Variants in STXBP5L observed in about 807,000 individuals in gnomAD.
STXBP5L encodes syntaxin binding protein 5L.
STXBP5L carries 65 observed loss-of-function variants against 144.5 expected under a neutral mutation model. That is an observed-to-expected ratio of 0.45 (90% CI 0.37 to 0.55). The LOEUF (loss-of-function observed/expected upper bound fraction) is 0.55. Ranked by LOEUF, STXBP5L falls within the 20% of genes least tolerant of loss-of-function variation. The probability of loss-of-function intolerance (pLI) is 0.00; values close to 1 mark genes in which losing one functional copy is unlikely to be tolerated. For missense variants in STXBP5L, 1,298 were observed against 1,405.5 expected (o/e 0.92, Z 1.22); for synonymous variants, 505 against 469.6 (o/e 1.08, Z -0.97).
At chr3:121,188,237 T>A (rs1324338915) in intron 9 of STXBP5L, among the ~76,000 whole-genome samples, 2 of 152,222 alleles carry the variant, frequency 1.3e-5, no homozygotes, top group African/African-American at 2.4e-5. Flanking sequence ...ATATACATTC[T>A]TCTCAGCACC....
intron 2 of STXBP5L, among the ~76,000 whole-genome samples, chr3:120,923,031 A>G (rs1709432331): frequency 6.6e-6 from 1 of 151,750 alleles, no homozygotes; most frequent in Non-Finnish European, 1.5e-5. Flanking sequence ...ATTCCTCATT[A>G]TTGGTTTGTT....
Position 121,407,280 on chromosome 3 carries a change from C to T in STXBP5L, c.2625C>T (p.Phe875=). ...FLSLKGAVLT[F]SCMDRMGGLM... ...CATTGAAAGGAGCTGTGCTAACATT[C>T]TCCTGTATGGACCGAATGGGTGGAT... The change falls in exon 23 of 27, where the codon TTC becomes TTT. Residue 875 remains phenylalanine (F), a synonymous_variant. Transcript: ENST00000471454. 1 of 1,603,916 alleles carries T rather than the reference C, an allele frequency of 6.2e-7. No homozygotes were observed. Among genetic ancestry groups the T allele is most frequent in the Non-Finnish European group, 8.5e-7 (1 of 1,175,426 alleles).
At chr3:121,006,251 A>G (rs1004153550) in intron 3 of STXBP5L, among the ~76,000 whole-genome samples, 3 of 152,118 alleles carry the variant, frequency 2.0e-5, no homozygotes, top group Non-Finnish European at 4.4e-5. Context: ...TTGGGTGCAT[A>G]TATATTTAGG....
chr3:120,914,192 C>T (rs1185743463), intron 2 of STXBP5L, among the ~76,000 whole-genome samples: 1 of 151,918 alleles, frequency 6.6e-6, no homozygotes, highest in Admixed American at 6.6e-5. Context: ...GACAAACACA[C>T]AGGGTGTTCT....
rs1486393859 is a variant in STXBP5L, at chr3:120,971,588, C to T, written c.287+16551C>T. 3.3e-5 allele frequency among the ~76,000 whole-genome samples: 5 copies of T among 151,706 alleles called. No homozygotes were observed. In the East Asian group the frequency reaches 7.7e-4, roughly 23 times the overall value. ...TCCATCCATATTGCTGCAAAATACA[C>T]GACTTTATTCTTTTTATGGCTGAGT... is the stretch of plus-strand genomic sequence containing the variant. On this transcript the variant is annotated intron_variant, in intron 3 of 26. Transcript: ENST00000471454.
intron 20 of STXBP5L, among the ~76,000 whole-genome samples, chr3:121,346,737 G>T (rs961285630): frequency 2.0e-5 from 3 of 152,172 alleles, no homozygotes; most frequent in Non-Finnish European, 4.4e-5. Context: ...TCTTTTGTCT[G>T]CATAAATGTC....
In STXBP5L at chr3:121,075,243, C is replaced by T. The variant is rs144214867; in HGVS notation, c.470+29708C>T. Among the ~76,000 whole-genome samples the T allele has an allele frequency of 6.0e-3, 917 of 152,220 alleles. 4 individuals carry two copies. Among genetic ancestry groups the T allele is most frequent in the Middle Eastern group, 0.024 (7 of 294 alleles). On this transcript the variant is annotated intron_variant, in intron 5 of 26. Coordinates refer to ENST00000471454, the MANE Select transcript of STXBP5L (RefSeq NM_001308330.2). Reference sequence around the variant, plus strand: ...CTCTGGACATTCATTCCTCCAGTGTCCCATCTGCTTGCATTTCACACATTG... The same window carrying T: ...CTCTGGACATTCATTCCTCCAGTGTTCCATCTGCTTGCATTTCACACATTG...
chr3:121,284,809 A>G (rs186663640), intron 19 of STXBP5L, among the ~76,000 whole-genome samples: 8 of 152,204 alleles, frequency 5.3e-5, no homozygotes. Flanking sequence ...GGACTTAAAG[A>G]AATCCCCGTG....
intron 3 of STXBP5L, among the ~76,000 whole-genome samples, chr3:121,013,463 T>C (rs1944926396): frequency 6.6e-6 from 1 of 152,040 alleles, no homozygotes; most frequent in African/African-American, 2.4e-5. Context: ...GAGCATTTTT[T>C]ATATGTTTGT....
chr3:121,024,544 T>C (rs922861193), intron 3 of STXBP5L, among the ~76,000 whole-genome samples: 1 of 152,200 alleles, frequency 6.6e-6, no homozygotes. Flanking sequence ...TCGAGTGCTA[T>C]GTAAGCTGTC....
At chr3:121,156,959 G>A (rs925674192) in intron 8 of STXBP5L, among the ~76,000 whole-genome samples, 6 of 151,952 alleles carry the variant, frequency 3.9e-5, no homozygotes, top group African/African-American at 7.2e-5. Flanking sequence ...AGTGGATACC[G>A]AGGGATGGCT....
chr3:121,194,123 A>G (rs1022667570), intron 9 of STXBP5L, among the ~76,000 whole-genome samples: 6 of 152,130 alleles, frequency 3.9e-5, no homozygotes, highest in African/African-American at 1.4e-4. Flanking sequence ...CCATCACCAA[A>G]TCAATGTTAC....
chr3:121,202,279 T>C (rs2048169195), intron 9 of STXBP5L, among the ~76,000 whole-genome samples: 1 of 152,204 alleles, frequency 6.6e-6, no homozygotes, highest in South Asian at 2.1e-4. Flanking sequence ...TTGCTGTAGA[T>C]TCAAATTACC....
At chr3:120,971,282 A>G (rs1576524841) in intron 3 of STXBP5L, among the ~76,000 whole-genome samples, 1 of 152,056 alleles carries the variant, frequency 6.6e-6, no homozygotes, top group East Asian at 1.9e-4. Context: ...TTACATGGAT[A>G]TATTGAGTAG....
At chr3:121,093,899 G>T (rs965629450) in intron 5 of STXBP5L, among the ~76,000 whole-genome samples, 9 of 151,994 alleles carry the variant, frequency 5.9e-5, no homozygotes, top group Non-Finnish European at 1.2e-4. Flanking sequence ...GCTTTCTCTT[G>T]TGGGCATTTA....
intron 10 of STXBP5L, among the ~76,000 whole-genome samples, chr3:121,220,643 T>C (rs1006095912): frequency 6.6e-6 from 1 of 152,112 alleles, no homozygotes; most frequent in Non-Finnish European, 1.5e-5. Flanking sequence ...AAAGGAGATA[T>C]GGTTTTGCAA....
In STXBP5L at chr3:121,381,332, G is replaced by A; in HGVS notation, c.2387G>A (p.Ser796Asn). The change falls in exon 22 of 27, where the codon AGT becomes AAT. Residue 796 changes from serine (S) to asparagine (N), a missense_variant. By Grantham distance (46) the Ser-to-Asn change is conservative (BLOSUM62 1). Coordinates refer to ENST00000471454, the MANE Select transcript of STXBP5L (RefSeq NM_001308330.2). The part of the protein sequence containing the change: ...ENSYNRSRSS[S>N]ISSIDKDSKE... Reference sequence around the variant, plus strand: ...TCCTATAATCGTTCTAGAAGCTCTAGTATCTCCAGTATTGACAAAGATTCT... The same window carrying A: ...TCCTATAATCGTTCTAGAAGCTCTAATATCTCCAGTATTGACAAAGATTCT... 1 of 1,594,082 alleles carries A rather than the reference G, an allele frequency of 6.3e-7. No individual in the cohort carries two copies. The highest frequency in any genetic ancestry group is 8.5e-7 in the Non-Finnish European group (1 of 1,174,764).
intron 9 of STXBP5L, among the ~76,000 whole-genome samples, chr3:121,161,034 A>G (rs748146583): frequency 1.3e-5 from 2 of 152,062 alleles, no homozygotes; most frequent in Non-Finnish European, 2.9e-5. Flanking sequence ...ACATCCAAAT[A>G]TATTGTTATA....
chr3:121,064,820 G>C lies in STXBP5L; in HGVS notation c.470+19285G>C, dbSNP rs933611727. On this transcript the variant is annotated intron_variant, in intron 5 of 26. Coordinates refer to ENST00000471454, the MANE Select transcript of STXBP5L (RefSeq NM_001308330.2). ...GACATATTATGTGATGCTGAGGTTT[G>C]GGGTATGGATCCTGTCGCCCAGGTG... 5.3e-5 allele frequency among the ~76,000 whole-genome samples: 8 copies of C among 152,130 alleles called. No homozygotes were observed. In the East Asian group the frequency reaches 1.3e-3, roughly 26 times the overall value.
Sources: allele counts gnomAD v4.1 joint callset (sites outside exome capture counted in the v4.1 genomes callset), GRCh38; gene constraint gnomAD v4.1.1; transcripts MANE v1.5; gene names NCBI Gene and HGNC (gene_info 2026-07-23, HGNC 2026-07-21).